The following LDLRAD4 variants were observed in gnomAD, a reference collection of about 807,000 sequenced individuals.
The protein encoded by LDLRAD4 is low-density lipoprotein receptor class A domain-containing protein 4.
In LDLRAD4, 5 loss-of-function variants were observed where a neutral mutation model predicts 17.0. The ratio of observed to expected loss-of-function variants is 0.29; its 90% CI spans 0.15 to 0.62. The LOEUF is 0.62. Ranked by LOEUF, LDLRAD4 falls within the 20% of genes least tolerant of loss-of-function variation. LDLRAD4 has a pLI of 0.84. For synonymous variants in LDLRAD4, 168 were observed against 171.8 expected, an observed-to-expected ratio of 0.98 and a Z score of 0.17; for missense variants, 340 against 424.7, an observed-to-expected ratio of 0.80 and a Z score of 1.75.
upstream of LDLRAD4, among the ~76,000 whole-genome samples, chr18:13,273,566 C>G (rs142813708): frequency 8.9e-4 from 136 of 152,252 alleles, no homozygotes; most frequent in African/African-American, 3.1e-3. Flanking sequence ...TGCTGGAATT[C>G]CAGGTGTGAG....
intron 3 of LDLRAD4, among the ~76,000 whole-genome samples, chr18:13,589,094 A>G (rs537968898): frequency 6.6e-6 from 1 of 151,650 alleles, no homozygotes; most frequent in East Asian, 1.9e-4. Context: ...ATGCCCAGCT[A>G]TTTTTATTTG....
chr18:13,501,071 A>T lies in LDLRAD4; in HGVS notation c.181+62687A>T, dbSNP rs551388503. ...GCAGGGGGTCTCTGTGCAGCTGAGGATGATGGAAGGGATTGCAGAAGGCTG... is the reference window on the plus strand; with the variant it reads ...GCAGGGGGTCTCTGTGCAGCTGAGGTTGATGGAAGGGATTGCAGAAGGCTG... On this transcript the variant is annotated intron_variant, in intron 3 of 5. Transcript: ENST00000359446. 3 of 150,134 alleles carry T rather than the reference A, an allele frequency of 2.0e-5. No individual in the cohort carries two copies. The South Asian group carries it at 6.4e-4, about 32-fold the overall frequency. 9.3% of individuals were successfully genotyped at this position (150,134 alleles called of 1,614,324 possible). A position where few individuals can be genotyped will look rare whatever the true frequency, so the allele number is the denominator to read the frequency against.
rs370707500 is a variant in LDLRAD4 at position 13,322,290 on chromosome 18, C to CTTTTTTTTTT, written c.-383+44114_-383+44123dup. Among the ~76,000 whole-genome samples, 40 of 109,738 alleles carry CTTTTTTTTTT rather than the reference C, an allele frequency of 3.6e-4. 3 individuals carry two copies. The highest frequency in any genetic ancestry group is 8.6e-4 in the East Asian group (3 of 3,474). The allele number at this position is 109,738 out of a possible 152,430, so 72.0% of individuals were successfully genotyped here. ...TTATTTAAGCCAGTCACTTTTCTCA[C>CTTTTTTTTTT]TTTTTTTTTTTTTTTTTTTTTGGTT... is the stretch of plus-strand genomic sequence containing the variant. On this transcript the variant is annotated intron_variant, in intron 1 of 5. Transcript: ENST00000359446.
chr18:13,240,217 C>T (rs1042783236), intron 1 of LDLRAD4: 3 of 152,240 alleles, frequency 2.0e-5, no homozygotes, highest in Non-Finnish European at 4.4e-5. Context: ...ACACATTCAC[C>T]TTCCAACAGA....
intron 1 of LDLRAD4, among the ~76,000 whole-genome samples, chr18:13,313,253 C>T (rs1010522508): frequency 6.6e-6 from 1 of 152,192 alleles, no homozygotes; most frequent in Non-Finnish European, 1.5e-5. Flanking sequence ...GCGTTGTGCA[C>T]GTGACCTATG....
At chr18:13,415,678 C>A (rs999446792) in intron 2 of LDLRAD4, among the ~76,000 whole-genome samples, 1 of 152,226 alleles carries the variant, frequency 6.6e-6, no homozygotes, top group Non-Finnish European at 1.5e-5. Flanking sequence ...CCTCACCCCC[C>A]CAGGACGGTC....
At chr18:13,425,129 C>T (rs1258097523) in intron 2 of LDLRAD4, among the ~76,000 whole-genome samples, 2 of 152,180 alleles carry the variant, frequency 1.3e-5, no homozygotes, top group Non-Finnish European at 2.9e-5. Context: ...GGAGAACTTA[C>T]ATTCTAGCGA....
chr18:13,559,523 A>G (rs1187064119), intron 3 of LDLRAD4, among the ~76,000 whole-genome samples: 1 of 152,240 alleles, frequency 6.6e-6, no homozygotes, highest in African/African-American at 2.4e-5. Flanking sequence ...ATGGGTATGT[A>G]TCATATATAT....
chr18:13,547,334 G>A (rs1219739945), intron 3 of LDLRAD4, among the ~76,000 whole-genome samples: 1 of 152,214 alleles, frequency 6.6e-6, no homozygotes, highest in Non-Finnish European at 1.5e-5. Context: ...TAAAAACAAT[G>A]TCTTAAACTT....
At chr18:13,308,758 C>T (rs937802557) in intron 1 of LDLRAD4, among the ~76,000 whole-genome samples, 1 of 152,376 alleles carries the variant, frequency 6.6e-6, no homozygotes, top group East Asian at 1.9e-4. Context: ...GGGAAGCAGA[C>T]TTCCCTAATG....
At chr18:13,575,843 C>A (rs1396274828) in intron 3 of LDLRAD4, among the ~76,000 whole-genome samples, 3 of 152,126 alleles carry the variant, frequency 2.0e-5, no homozygotes, top group African/African-American at 7.2e-5. Context: ...GCATTTTTTC[C>A]TATATTTGTT....
At chr18:13,328,722 G>C (rs2081671496) in intron 1 of LDLRAD4, among the ~76,000 whole-genome samples, 1 of 151,994 alleles carries the variant, frequency 6.6e-6, no homozygotes, top group African/African-American at 2.4e-5. Flanking sequence ...TTTAAAATTT[G>C]CGTTTTTAGT....
At chr18:13,292,307 G>T (rs1205668975) in intron 1 of LDLRAD4, among the ~76,000 whole-genome samples, 1 of 152,216 alleles carries the variant, frequency 6.6e-6, no homozygotes, top group Non-Finnish European at 1.5e-5. Flanking sequence ...GCCTGGGCGT[G>T]CCCTGGGCAT....
chr18:13,471,694 G>A (rs1446602526), intron 3 of LDLRAD4: 1 of 152,604 alleles, frequency 6.6e-6, no homozygotes, highest in African/African-American at 2.4e-5. Context: ...GGTGCCGGGT[G>A]AAGAGGAGGT....
At chr18:13,395,845 C>G (rs1422883546) in intron 2 of LDLRAD4, among the ~76,000 whole-genome samples, 2 of 152,020 alleles carry the variant, frequency 1.3e-5, no homozygotes, top group Non-Finnish European at 2.9e-5. Flanking sequence ...ATCTCCAGCA[C>G]AAGACATCCC....
chr18:13,506,972 G>A (rs7505922), intron 3 of LDLRAD4, among the ~76,000 whole-genome samples: 91,538 of 152,028 alleles, frequency 0.6, 29,207 homozygotes, highest in East Asian at 0.73. Context: ...CACAGATACC[G>A]TGTTTTTTAC....
chr18:13,632,034 A>G (rs879545534), intron 4 of LDLRAD4, among the ~76,000 whole-genome samples: 2 of 152,250 alleles, frequency 1.3e-5, no homozygotes, highest in Non-Finnish European at 2.9e-5. Flanking sequence ...GGTTCCATAC[A>G]TGAAATTCAG....
chr18:13,303,036 T>C (rs560181833), intron 1 of LDLRAD4, among the ~76,000 whole-genome samples: 13 of 152,322 alleles, frequency 8.5e-5, no homozygotes, highest in Non-Finnish European at 1.3e-4. Flanking sequence ...CTTTAATGAA[T>C]AGACAGATTC....
chr18:13,269,647 C>A (rs1005696750), intron 1 of LDLRAD4, among the ~76,000 whole-genome samples: 1 of 152,020 alleles, frequency 6.6e-6, no homozygotes, highest in African/African-American at 2.4e-5. Context: ...CCTGCTGGGG[C>A]CCTAGCGAGC....
Sources: gnomAD v4.1 joint callset for allele counts (sites outside exome capture counted in the v4.1 genomes callset) on GRCh38, gnomAD v4.1.1 for gene constraint, MANE v1.5 for transcripts, NCBI Gene and HGNC (gene_info 2026-07-23, HGNC 2026-07-21) for gene names.